The following RBFOX1 variants were observed in gnomAD, a reference collection of about 807,000 sequenced individuals.
RBFOX1 encodes RNA binding fox-1 homolog 1, also known as RNA binding protein fox-1 homolog 1.
A neutral mutation model predicts 57.7 loss-of-function variants in RBFOX1; 8 were observed. The observed-to-expected ratio is 0.14, with a 90% CI of 0.08 to 0.25. The LOEUF (loss-of-function observed/expected upper bound fraction) is 0.25. Ranked by LOEUF, RBFOX1 falls within the 10% of genes least tolerant of loss-of-function variation. The pLI, the probability that RBFOX1 is intolerant of heterozygous loss-of-function variation, is 1.00. For synonymous variants in RBFOX1, 326 were observed against 222.4 expected (o/e 1.47, Z -4.15); for missense variants, 611 against 548.5 (o/e 1.11, Z -1.14).
intron 4 of RBFOX1, among the ~76,000 whole-genome samples, chr16:7,324,730 C>T (rs1008155165): frequency 6.6e-5 from 10 of 152,184 alleles, no homozygotes; most frequent in African/African-American, 2.4e-4. Context: ...CAGCAGGCTC[C>T]TCACTTACAA....
At chr16:7,229,246 C>A (rs1233415430) in intron 4 of RBFOX1, among the ~76,000 whole-genome samples, 1 of 152,210 alleles carries the variant, frequency 6.6e-6, no homozygotes, top group Non-Finnish European at 1.5e-5. Flanking sequence ...TTCTGCAAGA[C>A]ACTGAAGTAT....
intron 1 of RBFOX1, among the ~76,000 whole-genome samples, chr16:5,455,916 C>T (rs1479782245): frequency 2.0e-5 from 3 of 152,100 alleles, no homozygotes; most frequent in East Asian, 1.9e-4. Flanking sequence ...CAATTCAGAG[C>T]ATTAACCTAA....
At chr16:7,205,554 G>A (rs1042871463) in intron 4 of RBFOX1, among the ~76,000 whole-genome samples, 7 of 151,374 alleles carry the variant, frequency 4.6e-5, no homozygotes, top group East Asian at 1.9e-4. Context: ...GAAAACTTAC[G>A]GAAATAAACA....
Position 5,311,141 on chromosome 16 carries a change from T to A in RBFOX1, c.219+71036T>A, listed in dbSNP as rs2064076590. ...TTCACTTAGAATAATGGCCTCTAGC[T>A]CCATCCAAGTTGCTGCAAAAGACAT... On this transcript the variant is annotated intron_variant, in intron 1 of 2. Coordinates refer to the RBFOX1 transcript ENST00000585867. Among the ~76,000 whole-genome samples, 3 of 152,224 alleles carry A rather than the reference T, an allele frequency of 2.0e-5. No homozygotes were observed. The South Asian group carries it at 6.2e-4, about 32-fold the overall frequency.
intron 1 of RBFOX1, among the ~76,000 whole-genome samples, chr16:5,403,910 G>C (rs2066790223): frequency 6.6e-6 from 1 of 152,000 alleles, no homozygotes; most frequent in Non-Finnish European, 1.5e-5. Context: ...TAACTGGGTT[G>C]CTACTGGAGT....
At chr16:6,740,845 T>C (rs2071847515) in intron 3 of RBFOX1, among the ~76,000 whole-genome samples, 1 of 152,204 alleles carries the variant, frequency 6.6e-6, no homozygotes, top group Non-Finnish European at 1.5e-5. Context: ...CAGCAGAGTT[T>C]TTAAAAATAA....
intron 3 of RBFOX1, among the ~76,000 whole-genome samples, chr16:7,005,606 G>C (rs1469392726): frequency 1.3e-5 from 2 of 152,166 alleles, no homozygotes; most frequent in African/African-American, 2.4e-5. Flanking sequence ...GTGTTGGTAG[G>C]AGGTGGCTTG....
At chr16:5,887,616 C>G (rs930948723) in intron 4 of RBFOX1, among the ~76,000 whole-genome samples, 1 of 152,120 alleles carries the variant, frequency 6.6e-6, no homozygotes, top group African/African-American at 2.4e-5. Flanking sequence ...GTTGGCCAGG[C>G]TGGCCTTGAA....
chr16:5,454,851 TTCTTTTCTTTCTTTCTTTCTTTCTTTC>T (rs1567534709), intron 1 of RBFOX1, among the ~76,000 whole-genome samples: 1 of 101,416 alleles, frequency 9.9e-6, no homozygotes, highest in East Asian at 2.3e-4. Context: ...CTTTCTTTCT[TTCTTTTCTTTCTTTCTTTCTTTCTTTC>T]TTTCTTTCTT....
chr16:5,679,068 C>T (rs577162233), intron 3 of RBFOX1, among the ~76,000 whole-genome samples: 1 of 152,310 alleles, frequency 6.6e-6, no homozygotes, highest in East Asian at 1.9e-4. Context: ...ATGAAACCTG[C>T]ATCTCAATTC....
intron 4 of RBFOX1, among the ~76,000 whole-genome samples, chr16:7,112,062 G>C (rs1307854363): frequency 1.3e-5 from 2 of 152,184 alleles, no homozygotes; most frequent in Admixed American, 6.5e-5. Context: ...GTGTGTGTGA[G>C]AGAGATAAAT....
intron 1 of RBFOX1, among the ~76,000 whole-genome samples, chr16:6,240,869 A>G (rs534494330): frequency 2.6e-5 from 4 of 152,028 alleles, no homozygotes; most frequent in Admixed American, 2.6e-4. Flanking sequence ...CCCTTTTTCA[A>G]TTTACTTTCT....
chr16:6,883,224 T>A (rs1472746716), intron 3 of RBFOX1, among the ~76,000 whole-genome samples: 1 of 152,212 alleles, frequency 6.6e-6, no homozygotes, highest in African/African-American at 2.4e-5. Context: ...AGCTTAGAAA[T>A]CTCGCTTTGC....
chr16:6,490,682 T>C (rs1188081226), intron 2 of RBFOX1, among the ~76,000 whole-genome samples: 1 of 152,218 alleles, frequency 6.6e-6, no homozygotes, highest in African/African-American at 2.4e-5. Context: ...GAACAGCTCG[T>C]ATCTGGTCAT....
At chr16:6,525,470 C>T (rs1253836868) in intron 2 of RBFOX1, among the ~76,000 whole-genome samples, 2 of 152,180 alleles carry the variant, frequency 1.3e-5, no homozygotes, top group African/African-American at 2.4e-5. Context: ...GATGTTTGTG[C>T]TCAAGTCAGG....
At chr16:6,926,500 G>A in intron 3 of RBFOX1, among the ~76,000 whole-genome samples, 1 of 152,114 alleles carries the variant, frequency 6.6e-6, no homozygotes, top group East Asian at 1.9e-4. Context: ...AATGACATTT[G>A]TAGCGGTGTT....
intron 4 of RBFOX1, among the ~76,000 whole-genome samples, chr16:7,482,757 G>C (rs1325374777): frequency 1.3e-5 from 2 of 151,756 alleles, no homozygotes; most frequent in African/African-American, 2.4e-5. Context: ...TATGTTCTTG[G>C]ATGTGCTGGT....
intron 3 of RBFOX1, among the ~76,000 whole-genome samples, chr16:5,664,274 G>A (rs1322948168): frequency 1.3e-5 from 2 of 152,220 alleles, no homozygotes; most frequent in African/African-American, 4.8e-5. Context: ...TCCTGGCCGG[G>A]CGCAGTGGCT....
At chr16:7,100,570 T>C (rs1305695535) in intron 4 of RBFOX1, among the ~76,000 whole-genome samples, 1 of 150,744 alleles carries the variant, frequency 6.6e-6, no homozygotes, top group African/African-American at 2.4e-5. Context: ...AGGTTGTTTT[T>C]TTTTTTTTTT....
Sources: gnomAD v4.1 joint callset for allele counts (sites outside exome capture counted in the v4.1 genomes callset) on GRCh38, gnomAD v4.1.1 for gene constraint, MANE v1.5 for transcripts, NCBI Gene and HGNC (gene_info 2026-07-23, HGNC 2026-07-21) for gene names.